CADM2: variants seen among roughly 807,000 people sequenced by gnomAD.
The protein encoded by CADM2 is immunoglobulin superfamily member 4D.
In CADM2, 12 loss-of-function variants were observed where a neutral mutation model predicts 49.8. The ratio of observed to expected loss-of-function variants is 0.24; its 90% CI spans 0.15 to 0.39. The LOEUF is 0.39. CADM2 is among the 10% of genes least tolerant of loss of function. The probability of loss-of-function intolerance (pLI) is 1.00; values close to 1 mark genes in which losing one functional copy is unlikely to be tolerated. For synonymous variants in CADM2, 214 were observed against 175.4 expected, an observed-to-expected ratio of 1.22 and a Z score of -1.74; for missense variants, 378 against 492.3, an observed-to-expected ratio of 0.77 and a Z score of 2.20.
intron 1 of CADM2, among the ~76,000 whole-genome samples, chr3:85,468,554 T>C (rs1428929215): frequency 6.6e-6 from 1 of 151,206 alleles, no homozygotes; most frequent in Non-Finnish European, 1.5e-5. Flanking sequence ...ATGTTAAAAG[T>C]ATTTGGGGAC....
intron 1 of CADM2, among the ~76,000 whole-genome samples, chr3:85,426,928 T>C (rs1029474780): frequency 6.6e-6 from 1 of 151,918 alleles, no homozygotes; most frequent in Admixed American, 6.6e-5. Flanking sequence ...TCACATGGGC[T>C]GGTGTGCAAT....
intron 7 of CADM2, among the ~76,000 whole-genome samples, chr3:85,946,313 A>T (rs377667872): frequency 2.7e-5 from 4 of 150,676 alleles, no homozygotes; most frequent in East Asian, 2.0e-4. Context: ...TTCCATGCTC[A>T]TAAACAGGAA....
At chr3:85,226,033 C>T (rs1365465412) in intron 1 of CADM2, among the ~76,000 whole-genome samples, 1 of 152,058 alleles carries the variant, frequency 6.6e-6, no homozygotes, top group Admixed American at 6.6e-5. Context: ...TCACATCAAT[C>T]TTCATCAGGG....
At chr3:85,604,558 C>T (rs964413048) in intron 1 of CADM2, among the ~76,000 whole-genome samples, 3 of 151,908 alleles carry the variant, frequency 2.0e-5, no homozygotes, top group African/African-American at 7.2e-5. Flanking sequence ...CAACAATGAA[C>T]TAGGTGCCAC....
At chr3:85,540,233 A>G (rs2061509319) in intron 1 of CADM2, among the ~76,000 whole-genome samples, 1 of 152,168 alleles carries the variant, frequency 6.6e-6, no homozygotes, top group East Asian at 1.9e-4. Flanking sequence ...TATAACCTGT[A>G]GTAAATAATA....
At chr3:85,692,362 A>G (rs1053397623) in intron 1 of CADM2, among the ~76,000 whole-genome samples, 15 of 152,140 alleles carry the variant, frequency 9.9e-5, no homozygotes, top group African/African-American at 3.6e-4. Flanking sequence ...GCAAATCCGT[A>G]TATATTAAGA....
At chr3:85,569,129 C>T (rs995617730) in intron 1 of CADM2, among the ~76,000 whole-genome samples, 1 of 152,114 alleles carries the variant, frequency 6.6e-6, no homozygotes, top group Non-Finnish European at 1.5e-5. Flanking sequence ...TATAGGCACA[C>T]CTACCTCCCC....
intron 1 of CADM2, among the ~76,000 whole-genome samples, chr3:85,281,400 A>G (rs1306207241): frequency 1.3e-5 from 2 of 152,014 alleles, no homozygotes; most frequent in Admixed American, 1.3e-4. Flanking sequence ...GATCAAACCT[A>G]TTCTGGAGGT....
chr3:85,608,172 A>G (rs904109305), intron 1 of CADM2, among the ~76,000 whole-genome samples: 4 of 152,134 alleles, frequency 2.6e-5, no homozygotes, highest in African/African-American at 7.2e-5. Context: ...CATTTTCTTA[A>G]TTTATTAGTT....
At chr3:85,821,255 A>G (rs1217392147) in intron 3 of CADM2, among the ~76,000 whole-genome samples, 1 of 152,156 alleles carries the variant, frequency 6.6e-6, no homozygotes, top group Non-Finnish European at 1.5e-5. Context: ...CCAGGAAGAT[A>G]GTTAGCAAGA....
chr3:85,266,609 C>A (rs756579561), intron 1 of CADM2, among the ~76,000 whole-genome samples: 2 of 127,834 alleles, frequency 1.6e-5, no homozygotes, highest in African/African-American at 5.4e-5. Flanking sequence ...AGAGTCAAGA[C>A]GGTAAGGTTT....
chr3:85,692,361 T>A (rs986382005), intron 1 of CADM2, among the ~76,000 whole-genome samples: 6 of 152,158 alleles, frequency 3.9e-5, no homozygotes, highest in Non-Finnish European at 8.8e-5. Context: ...AGCAAATCCG[T>A]ATATATTAAG....
chr3:85,208,135 G>T (rs918783394), intron 1 of CADM2, among the ~76,000 whole-genome samples: 1 of 152,036 alleles, frequency 6.6e-6, no homozygotes, highest in Non-Finnish European at 1.5e-5. Flanking sequence ...GATTTGCCTT[G>T]CACTTTTTAC....
Position 85,517,465 on chromosome 3 carries a change from T to C in CADM2, c.62-209057T>C, listed in dbSNP as rs555552056. ...TATATATCAACTTATATATTTAATC[T>C]CAGCTGAAAACATACCCTCTGTACT... On this transcript the variant is annotated intron_variant, in intron 1 of 9. Coordinates refer to ENST00000383699, the MANE Select transcript of CADM2 (RefSeq NM_001167675.2). 4.6e-5 allele frequency among the ~76,000 whole-genome samples: 7 copies of C among 152,242 alleles called. No individual in the cohort carries two copies. In the South Asian group the frequency reaches 1.0e-3, roughly 23 times the overall value.
intron 1 of CADM2, among the ~76,000 whole-genome samples, chr3:85,475,450 A>G (rs1303670575): frequency 1.3e-5 from 2 of 151,942 alleles, no homozygotes; most frequent in Admixed American, 6.6e-5. Flanking sequence ...TCTAAATATA[A>G]TTTATTTATT....
chr3:85,648,416 C>T (rs564203175), intron 1 of CADM2, among the ~76,000 whole-genome samples: 1 of 151,762 alleles, frequency 6.6e-6, no homozygotes, highest in Non-Finnish European at 1.5e-5. Flanking sequence ...TTTTTCCACC[C>T]CCCTCTATCT....
At chr3:85,653,640 A>G (rs1337704870) in intron 1 of CADM2, among the ~76,000 whole-genome samples, 3 of 152,104 alleles carry the variant, frequency 2.0e-5, no homozygotes, top group South Asian at 2.1e-4. Context: ...TGTTGAATAT[A>G]TAAGTCGGGA....
chr3:85,541,213 A>G (rs1559897021), intron 1 of CADM2, among the ~76,000 whole-genome samples: 1 of 151,212 alleles, frequency 6.6e-6, no homozygotes, highest in Admixed American at 6.6e-5. Context: ...GCACATATAT[A>G]CATTTATACA....
intron 1 of CADM2, among the ~76,000 whole-genome samples, chr3:85,174,965 C>CT (rs1459979348): frequency 5.3e-5 from 8 of 152,160 alleles, no homozygotes; most frequent in Non-Finnish European, 1.0e-4. Flanking sequence ...GGGCAAAGGA[C>CT]TTGAATAGGC....
Sources: gnomAD v4.1 joint callset for allele counts (sites outside exome capture counted in the v4.1 genomes callset) on GRCh38, gnomAD v4.1.1 for gene constraint, MANE v1.5 for transcripts, NCBI Gene and HGNC (gene_info 2026-07-23, HGNC 2026-07-21) for gene names.